Variants in AFF4 observed in about 807,000 individuals in gnomAD.
AFF4 encodes AF4/FMR2 family member 4.
Under a neutral mutation model 124.8 loss-of-function variants are expected in AFF4, and 13 were observed. The ratio of observed to expected loss-of-function variants is 0.10; its 90% CI spans 0.07 to 0.17. The LOEUF (loss-of-function observed/expected upper bound fraction) is 0.17. AFF4 is among the 10% of genes least tolerant of loss of function. AFF4 has a pLI of 1.00. For missense variants in AFF4, 1,092 were observed against 1,403.8 expected (o/e 0.78, Z 3.55); for synonymous variants, 477 against 496.1 (o/e 0.96, Z 0.51).
At chr5:132,932,899 T>A (rs1050512922) in intron 3 of AFF4, among the ~76,000 whole-genome samples, 8 of 152,246 alleles carry the variant, frequency 5.3e-5, no homozygotes, top group African/African-American at 1.9e-4. Flanking sequence ...ACCATTTTAC[T>A]GTTCTCTTGA....
intron 5 of AFF4, among the ~76,000 whole-genome samples, chr5:132,915,724 C>T (rs1387627146): frequency 4.6e-5 from 7 of 151,564 alleles, no homozygotes; most frequent in South Asian, 2.1e-4. Flanking sequence ...CCCACCACCA[C>T]GCTCGGCTAA....
Position 132,892,371 on chromosome 5 carries a change from A to G in AFF4, c.2430T>C (p.Asp810=), listed in dbSNP as rs1760284622. 5 of 1,613,522 alleles carry G rather than the reference A, an allele frequency of 3.1e-6. 1 individual carries two copies. In the African/African-American group the frequency reaches 6.7e-5, roughly 22 times the overall value. Reference sequence around the variant, plus strand: ...CAGGCCCAGCGGGAGAAGGCAACAAATCCTTTTCTTTTGCAGCACTCTGCT... The same window carrying G: ...CAGGCCCAGCGGGAGAAGGCAACAAGTCCTTTTCTTTTGCAGCACTCTGCT... ...SSKQSAAKEK[D]LLPSPAGPVP... is the part of the protein sequence containing the mutation. The change falls in exon 13 of 21, where the codon GAT becomes GAC. Residue 810 remains aspartate, a synonymous_variant. Coordinates refer to ENST00000265343, the MANE Select transcript of AFF4 (RefSeq NM_014423.4).
Position 132,878,685 on chromosome 5 carries a change from G to A in AFF4, c.*2374C>T. ...AAAAATCCTCCACAATGAAAAGGTT[G>A]AAAAATTCATTCTCCAAAAATTGAC... is the stretch of plus-strand genomic sequence containing the variant. On this transcript the variant is annotated 3_prime_UTR_variant, in exon 21 of 21. Transcript: ENST00000265343. 4.4e-6 allele frequency: 1 copy of A among 226,784 alleles called. No individual in the cohort carries two copies. The highest frequency in any genetic ancestry group is 6.4e-5 in the East Asian group (1 of 15,712). 14.0% of individuals were successfully genotyped at this position (226,784 alleles called of 1,614,324 possible). A position where few individuals can be genotyped will look rare whatever the true frequency, so the allele number is the denominator to read the frequency against.
chr5:132,942,242 T>G (rs1045474673), intron 1 of AFF4, among the ~76,000 whole-genome samples: 8 of 152,132 alleles, frequency 5.3e-5, no homozygotes, highest in African/African-American at 1.9e-4. Flanking sequence ...AATAATTTGC[T>G]GGAGAAGCTC....
intron 7 of AFF4, among the ~76,000 whole-genome samples, chr5:132,902,059 T>C (rs184332618): frequency 6.6e-6 from 1 of 152,186 alleles, no homozygotes; most frequent in Non-Finnish European, 1.5e-5. Context: ...TATTTTTTAA[T>C]TTTTCTGAGA....
intron 5 of AFF4, among the ~76,000 whole-genome samples, chr5:132,907,668 C>T (rs1760701165): frequency 6.6e-6 from 1 of 151,958 alleles, no homozygotes; most frequent in Admixed American, 6.6e-5. Context: ...TGAGCAAAGG[C>T]TTCCCTGAGG....
intron 14 of AFF4, among the ~76,000 whole-genome samples, chr5:132,888,537 C>T (rs1226655700): frequency 6.6e-6 from 1 of 152,140 alleles, no homozygotes; most frequent in Non-Finnish European, 1.5e-5. Flanking sequence ...GTGATATCAG[C>T]AGTAGTAAGA....
intron 1 of AFF4, among the ~76,000 whole-genome samples, chr5:132,959,531 G>C (rs1381117023): frequency 1.3e-5 from 2 of 151,976 alleles, no homozygotes; most frequent in African/African-American, 4.8e-5. Flanking sequence ...GGAATACTCT[G>C]GAATTGAATT....
chr5:132,927,914 G>A (rs1761215465), intron 4 of AFF4, among the ~76,000 whole-genome samples: 1 of 152,150 alleles, frequency 6.6e-6, no homozygotes, highest in Non-Finnish European at 1.5e-5. Flanking sequence ...TGCCAAATAT[G>A]TCTGGGTGAG....
intron 1 of AFF4, among the ~76,000 whole-genome samples, chr5:132,950,028 T>C (rs761418059): frequency 2.0e-5 from 3 of 150,644 alleles, no homozygotes; most frequent in Non-Finnish European, 3.0e-5. Flanking sequence ...GTCTCAAAAA[T>C]AAACAAATGA....
rs1426513125 is a variant in AFF4, at chr5:132,917,690, T to TTTTTCTTTTC, written c.1050+9421_1050+9430dup. Among the ~76,000 whole-genome samples, 91 of 116,040 alleles carry TTTTTCTTTTC rather than the reference T, an allele frequency of 7.8e-4. 2 individuals carry two copies. Among genetic ancestry groups the TTTTTCTTTTC allele is most frequent in the Middle Eastern group, 5.1e-3 (1 of 196 alleles). The allele number at this position is 116,040 out of a possible 152,430, so 76.1% of individuals were successfully genotyped here. A position where few individuals can be genotyped will look rare whatever the true frequency, so the allele number is the denominator to read the frequency against. On this transcript the variant is annotated intron_variant, in intron 5 of 20. Transcript: ENST00000265343. The stretch of plus-strand genomic sequence containing the variant: ...TAAAATTATACATGAAAGGTATTTC[T>TTTTTCTTTTC]TTTTCTTTTCTTTTCTTTTTTTTTT...
rs45441396 is a variant in AFF4, at chr5:132,885,056, C to T, written c.3143+20G>A. ...CTTTTATTGCCACAATAATATTTTA[C>T]ATAATAAAATTTTACCTACCTTCCC... On this transcript the variant is annotated intron_variant, in intron 19 of 20. Transcript: ENST00000265343. The T allele has an allele frequency of 0.17, 261,789 of 1,554,276 alleles. 24,484 individuals carry two copies. Among genetic ancestry groups the T allele is most frequent in the Non-Finnish European group, 0.19 (219,498 of 1,140,556 alleles).
intron 1 of AFF4, among the ~76,000 whole-genome samples, chr5:132,955,008 C>A (rs1053872941): frequency 6.6e-6 from 1 of 152,104 alleles, no homozygotes; most frequent in Non-Finnish European, 1.5e-5. Flanking sequence ...ATGCTGAATG[C>A]AGAGATTGTA....
intron 1 of AFF4, among the ~76,000 whole-genome samples, chr5:132,957,570 T>C (rs1434621083): frequency 4.0e-5 from 6 of 151,524 alleles, no homozygotes; most frequent in Non-Finnish European, 7.4e-5. Context: ...CTGTCTCTAC[T>C]AAAAATACAA....
intron 1 of AFF4, among the ~76,000 whole-genome samples, chr5:132,951,386 A>C (rs940944307): frequency 1.2e-4 from 19 of 152,190 alleles, no homozygotes; most frequent in Non-Finnish European, 1.0e-4. Flanking sequence ...CCCATCAAAC[A>C]ACCACCTTAG....
At chr5:132,938,496 C>T (rs1043114718) in intron 1 of AFF4, among the ~76,000 whole-genome samples, 1 of 151,770 alleles carries the variant, frequency 6.6e-6, no homozygotes, top group African/African-American at 2.4e-5. Flanking sequence ...GACTCCTGAC[C>T]TCAAGTGATC....
chr5:132,953,680 T>C (rs67162224), intron 1 of AFF4, among the ~76,000 whole-genome samples: 17,549 of 152,252 alleles, frequency 0.12, 1,281 homozygotes, highest in South Asian at 0.19. Flanking sequence ...CCAACTGCTT[T>C]TGCTGAATTC....
At chr5:132,929,819 G>C (rs944535752) in intron 4 of AFF4, among the ~76,000 whole-genome samples, 3 of 152,106 alleles carry the variant, frequency 2.0e-5, no homozygotes, top group Non-Finnish European at 4.4e-5. Flanking sequence ...AAGACCACAG[G>C]GCCTGAAGTA....
chr5:132,946,378 T>C (rs904825076), intron 1 of AFF4, among the ~76,000 whole-genome samples: 2 of 152,210 alleles, frequency 1.3e-5, no homozygotes, highest in African/African-American at 4.8e-5. Context: ...CATAGCAGCA[T>C]TGTTCACAAT....
Sources: allele counts gnomAD v4.1 joint callset (sites outside exome capture counted in the v4.1 genomes callset), GRCh38; gene constraint gnomAD v4.1.1; transcripts MANE v1.5; gene names NCBI Gene and HGNC (gene_info 2026-07-23, HGNC 2026-07-21).